GABRG3: variants seen among roughly 807,000 people sequenced by gnomAD.
The protein encoded by GABRG3 is gamma-aminobutyric acid type A receptor subunit gamma3, also known as gamma-aminobutyric acid receptor subunit gamma-3.
Under a neutral mutation model 48.8 loss-of-function variants are expected in GABRG3, and 25 were observed. That is an observed-to-expected ratio of 0.51 (90% CI 0.37 to 0.72). The LOEUF is 0.72. Ranked by LOEUF, GABRG3 falls within the 30% of genes least tolerant of loss-of-function variation. The probability of loss-of-function intolerance (pLI) is 0.00; values close to 1 mark genes in which losing one functional copy is unlikely to be tolerated. For synonymous variants in GABRG3, 227 were observed against 217.6 expected (o/e 1.04, Z -0.38); for missense variants, 394 against 577.9 (o/e 0.68, Z 3.26).
At chr15:27,027,380 G>A (rs1335896589) in intron 3 of GABRG3, among the ~76,000 whole-genome samples, 1 of 152,204 alleles carries the variant, frequency 6.6e-6, no homozygotes, top group African/African-American at 2.4e-5. Flanking sequence ...GACTACCTAG[G>A]ATCCCCAAGC....
At chr15:27,448,128 T>A (rs930902390) in intron 5 of GABRG3, among the ~76,000 whole-genome samples, 4 of 151,892 alleles carry the variant, frequency 2.6e-5, no homozygotes, top group African/African-American at 4.8e-5. Context: ...ACGTTTTTTT[T>A]AAAAAAAGGA....
intron 5 of GABRG3, among the ~76,000 whole-genome samples, chr15:27,408,667 T>G (rs571094156): frequency 6.6e-6 from 1 of 152,260 alleles, no homozygotes; most frequent in African/African-American, 2.4e-5. Context: ...GTTTTCTACT[T>G]CGGGGTGACT....
At chr15:27,301,612 G>A (rs1008895302) in intron 3 of GABRG3, among the ~76,000 whole-genome samples, 1 of 152,012 alleles carries the variant, frequency 6.6e-6, no homozygotes, top group African/African-American at 2.4e-5. Flanking sequence ...ACATATATAT[G>A]TGTGTGAGTG....
At chr15:26,987,039 C>T (rs146115966) in intron 2 of GABRG3, among the ~76,000 whole-genome samples, 2,135 of 152,278 alleles carry the variant, frequency 0.014, 48 homozygotes, top group African/African-American at 0.049. Flanking sequence ...GGGCGGATCA[C>T]GAGGTCAGGA....
rs147459440 is a variant in GABRG3 at position 27,265,881 on chromosome 15, G to GTTTTTTTTTTTTTTTTTTTTTTTTTTTTT, written c.271-60928_271-60927insTTTTTTTTTTTTTTTTTTTTTTTTTTTTT. 3.2e-5 allele frequency among the ~76,000 whole-genome samples: 4 copies of GTTTTTTTTTTTTTTTTTTTTTTTTTTTTT among 124,816 alleles called. 1 individual carries two copies. Among genetic ancestry groups the GTTTTTTTTTTTTTTTTTTTTTTTTTTTTT allele is most frequent in the African/African-American group, 7.4e-5 (2 of 27,002 alleles). 81.9% of individuals were successfully genotyped at this position (124,816 alleles called of 152,430 possible). A position where few individuals can be genotyped will look rare whatever the true frequency, so the allele number is the denominator to read the frequency against. On this transcript the variant is annotated intron_variant, in intron 3 of 9. Transcript: ENST00000615808. ...TGCAAGGTCAAGAAGATTTTCTCCTGGTTTTTTTTTTTTTTTGAGAGTGAC... is the reference window on the plus strand; with the variant it reads ...TGCAAGGTCAAGAAGATTTTCTCCTGTTTTTTTTTTTTTTTTTTTTTTTTTTTTTGTTTTTTTTTTTTTTTGAGAGTGAC...
intron 5 of GABRG3, among the ~76,000 whole-genome samples, chr15:27,377,781 G>A (rs1895645512): frequency 6.6e-6 from 1 of 152,218 alleles, no homozygotes; most frequent in Non-Finnish European, 1.5e-5. Context: ...CTGTAAAGGT[G>A]CCTTTGGTGA....
intron 6 of GABRG3, among the ~76,000 whole-genome samples, chr15:27,488,947 G>T (rs79069161): frequency 0.11 from 17,464 of 152,024 alleles, 1,050 homozygotes; most frequent in Middle Eastern, 0.16. Flanking sequence ...TGTTACATAG[G>T]TATACACGTG....
At chr15:27,004,111 TGGCCGGGCGGGG>T (rs1384741550) in intron 2 of GABRG3, among the ~76,000 whole-genome samples, 2 of 144,636 alleles carry the variant, frequency 1.4e-5, no homozygotes, top group East Asian at 2.2e-4. Flanking sequence ...ACGGGGCGGC[TGGCCGGGCGGGG>T]GGCTGACCCC....
At chr15:27,202,213 T>C (rs1407791455) in intron 3 of GABRG3, among the ~76,000 whole-genome samples, 1 of 152,224 alleles carries the variant, frequency 6.6e-6, no homozygotes, top group East Asian at 1.9e-4. Context: ...ATATATATTT[T>C]TGTTTCCTTT....
chr15:27,263,054 G>A (rs1890813476), intron 3 of GABRG3, among the ~76,000 whole-genome samples: 1 of 152,098 alleles, frequency 6.6e-6, no homozygotes, highest in Non-Finnish European at 1.5e-5. Context: ...TTTGGAAAGG[G>A]AACCATCAAA....
chr15:27,188,298 G>A (rs1222575198), intron 3 of GABRG3, among the ~76,000 whole-genome samples: 10 of 152,160 alleles, frequency 6.6e-5, no homozygotes, highest in Non-Finnish European at 1.5e-4. Flanking sequence ...CTGAGGAATT[G>A]CCACACTGAC....
intron 3 of GABRG3, among the ~76,000 whole-genome samples, chr15:27,268,665 T>G (rs994793520): frequency 2.0e-5 from 3 of 152,228 alleles, no homozygotes; most frequent in African/African-American, 7.2e-5. Flanking sequence ...TGCAATATAT[T>G]TTCTACTAGT....
intron 6 of GABRG3, among the ~76,000 whole-genome samples, chr15:27,506,533 A>C (rs1890764385): frequency 1.3e-5 from 2 of 152,224 alleles, no homozygotes; most frequent in Admixed American, 1.3e-4. Context: ...GAATTCTGCC[A>C]AAACCTGAAT....
chr15:27,001,071 C>CT (rs1895437992), intron 2 of GABRG3, among the ~76,000 whole-genome samples: 1 of 152,192 alleles, frequency 6.6e-6, no homozygotes, highest in East Asian at 1.9e-4. Flanking sequence ...TGTCACGAGC[C>CT]ATAGGCTAGA....
At chr15:27,209,302 G>A (rs1032604998) in intron 3 of GABRG3, among the ~76,000 whole-genome samples, 5 of 152,220 alleles carry the variant, frequency 3.3e-5, no homozygotes, top group Non-Finnish European at 5.9e-5. Context: ...GCAATGGGAA[G>A]CAGTGTTCTT....
intron 3 of GABRG3, among the ~76,000 whole-genome samples, chr15:27,066,336 TC>T (rs1238369636): frequency 2.0e-5 from 3 of 152,252 alleles, no homozygotes; most frequent in Non-Finnish European, 4.4e-5. Context: ...GGCCATTTTT[TC>T]TGTGTTTATG....
chr15:27,463,043 A>C (rs1889495898), intron 5 of GABRG3, among the ~76,000 whole-genome samples: 1 of 152,188 alleles, frequency 6.6e-6, no homozygotes, highest in Non-Finnish European at 1.5e-5. Flanking sequence ...TTTACAGATG[A>C]TATGATCAGA....
At chr15:27,388,108 GAAAAGAAGGA>G (rs1896023427) in intron 5 of GABRG3, among the ~76,000 whole-genome samples, 1 of 64,082 alleles carries the variant, frequency 1.6e-5, no homozygotes, top group African/African-American at 7.9e-5. Flanking sequence ...GGGAGGGAGG[GAAAAGAAGGA>G]AGGAAGGAAA....
intron 5 of GABRG3, among the ~76,000 whole-genome samples, chr15:27,440,205 C>T (rs925356510): frequency 4.6e-5 from 7 of 152,176 alleles, no homozygotes; most frequent in African/African-American, 1.4e-4. Flanking sequence ...ACCGTCTTAA[C>T]TCATAGAATA....
Sources: allele counts gnomAD v4.1 joint callset (sites outside exome capture counted in the v4.1 genomes callset), GRCh38; gene constraint gnomAD v4.1.1; transcripts MANE v1.5; gene names NCBI Gene and HGNC (gene_info 2026-07-23, HGNC 2026-07-21).